Variants in CACNA2D1 observed in about 807,000 individuals in gnomAD.
CACNA2D1 encodes the protein calcium voltage-gated channel auxiliary subunit alpha2delta 1, also known as voltage-dependent calcium channel subunit alpha-2/delta-1.
CACNA2D1 carries 53 observed loss-of-function variants against 171.5 expected under a neutral mutation model. The ratio of observed to expected loss-of-function variants is 0.31; its 90% confidence interval spans 0.25 to 0.39. The LOEUF (loss-of-function observed/expected upper bound fraction) is 0.39, where lower values mean the gene tolerates loss of function less well. CACNA2D1 is among the 10% of genes least tolerant of loss of function. The pLI, the probability that CACNA2D1 is intolerant of heterozygous loss-of-function variation, is 1.00. For synonymous variants in CACNA2D1, 442 were observed against 443.1 expected (o/e 1.00, Z 0.03); for missense variants, 903 against 1,299.8 (o/e 0.69, Z 4.69).
chr7:82,308,130 G>A (rs534459449), intron 3 of CACNA2D1, among the ~76,000 whole-genome samples: 17 of 152,146 alleles, frequency 1.1e-4, no homozygotes, highest in Non-Finnish European at 1.3e-4. Context: ...GGCCTTTTGC[G>A]AAGCTTGAGA....
intron 3 of CACNA2D1, among the ~76,000 whole-genome samples, chr7:82,261,068 C>T (rs1807023115): frequency 6.6e-6 from 1 of 151,976 alleles, no homozygotes; most frequent in Admixed American, 6.6e-5. Context: ...GATTCTCATG[C>T]CTCAGCCTCC....
rs543642021 is a variant in CACNA2D1 at position 82,372,715 on chromosome 7, A to C, written c.96-23066T>G. Among the ~76,000 whole-genome samples the C allele has an allele frequency of 1.6e-4, 24 of 152,232 alleles. No individual in the cohort carries two copies. The East Asian group carries it at 4.6e-3, about 29-fold the overall frequency. ...AAAAATCTTGATAATTGCTTATAAA[A>C]TCTTCAATTTTCAAAATACATGATA... On this transcript the variant is annotated intron_variant, in intron 1 of 38. Coordinates refer to ENST00000356860, the MANE Select transcript of CACNA2D1 (RefSeq NM_000722.4).
intron 1 of CACNA2D1, among the ~76,000 whole-genome samples, chr7:82,428,071 G>C (rs998154528): frequency 1.3e-5 from 2 of 150,786 alleles, no homozygotes; most frequent in African/African-American, 4.9e-5. Context: ...ATGGACAACA[G>C]AGCAAGATCT....
intron 3 of CACNA2D1, among the ~76,000 whole-genome samples, chr7:82,247,495 C>A (rs1805071235): frequency 6.6e-6 from 1 of 151,406 alleles, no homozygotes; most frequent in South Asian, 2.1e-4. Flanking sequence ...AAGAGCCAGA[C>A]CCTGTCTCAA....
intron 3 of CACNA2D1, among the ~76,000 whole-genome samples, chr7:82,284,188 C>CAA (rs200601228): frequency 1.0e-4 from 9 of 88,482 alleles, no homozygotes; most frequent in African/African-American, 3.8e-4. Context: ...GAGCCTTCTC[C>CAA]AAAAAAAAAA....
chr7:81,994,579 C>A (rs1179415996), intron 20 of CACNA2D1, among the ~76,000 whole-genome samples: 1 of 151,854 alleles, frequency 6.6e-6, no homozygotes, highest in East Asian at 1.9e-4. Context: ...TTCTATTTCT[C>A]ATAAAATATG....
In CACNA2D1 at chr7:82,105,752, G is replaced by A. The variant is rs575916304; in HGVS notation, c.526+11292C>T. Among the ~76,000 whole-genome samples, 26 of 152,220 alleles carry A rather than the reference G, an allele frequency of 1.7e-4. No homozygotes were observed. In the South Asian group the frequency reaches 5.4e-3, roughly 32 times the overall value. On this transcript the variant is annotated intron_variant, in intron 6 of 38. Coordinates refer to ENST00000356860, the MANE Select transcript of CACNA2D1 (RefSeq NM_000722.4). Reference sequence around the variant, plus strand: ...AACTGATCTTCACAGACTTGGAAGTGTAGTAATGGCACACTTCTTCAATCA... The same window carrying A: ...AACTGATCTTCACAGACTTGGAAGTATAGTAATGGCACACTTCTTCAATCA...
intron 3 of CACNA2D1, among the ~76,000 whole-genome samples, chr7:82,216,269 A>G (rs1801087829): frequency 6.6e-6 from 1 of 152,202 alleles, no homozygotes. Flanking sequence ...TGGAGAGCTC[A>G]TAAGAAACTA....
At chr7:82,054,064 A>AT (rs534041753) in intron 10 of CACNA2D1, among the ~76,000 whole-genome samples, 120 of 152,072 alleles carry the variant, frequency 7.9e-4, no homozygotes, top group African/African-American at 2.7e-3. Context: ...TTAACAACAT[A>AT]TTTTTTTTAG....
chr7:82,427,439 T>C (rs940364158), intron 1 of CACNA2D1, among the ~76,000 whole-genome samples: 8 of 152,206 alleles, frequency 5.3e-5, no homozygotes, highest in African/African-American at 1.9e-4. Flanking sequence ...TGTTGGATAG[T>C]GCTAAAGCCA....
intron 7 of CACNA2D1, among the ~76,000 whole-genome samples, chr7:82,067,812 A>C (rs1205100590): frequency 6.6e-6 from 1 of 152,136 alleles, no homozygotes; most frequent in Non-Finnish European, 1.5e-5. Context: ...CCTCTATGAT[A>C]TCTGACTCTC....
chr7:82,301,039 C>A (rs1585399745), intron 3 of CACNA2D1, among the ~76,000 whole-genome samples: 1 of 152,122 alleles, frequency 6.6e-6, no homozygotes, highest in Non-Finnish European at 1.5e-5. Context: ...TAACATATTA[C>A]AGTTTCATTG....
At chr7:82,139,323 A>AT (rs1246050566) in intron 4 of CACNA2D1, among the ~76,000 whole-genome samples, 1 of 152,184 alleles carries the variant, frequency 6.6e-6, no homozygotes. Context: ...TACAAGTATG[A>AT]TTTTTTAAGT....
chr7:82,316,575 G>T (rs2129435819), intron 3 of CACNA2D1, among the ~76,000 whole-genome samples: 1 of 152,176 alleles, frequency 6.6e-6, no homozygotes, highest in Admixed American at 6.5e-5. Context: ...TGAAAGAAAA[G>T]AAAACTAAAG....
At chr7:81,957,680 T>C (rs1186708704) in intron 38 of CACNA2D1, among the ~76,000 whole-genome samples, 3 of 152,090 alleles carry the variant, frequency 2.0e-5, no homozygotes, top group African/African-American at 7.2e-5. Flanking sequence ...CAGTGACCAT[T>C]GCAAATAAGC....
chr7:81,991,311 A>G, intron 20 of CACNA2D1, 65 bp from the exon 21 acceptor site: 1 of 836,872 alleles, frequency 1.2e-6, no homozygotes. Flanking sequence ...CGAAAAGTAA[A>G]GCCGTAGAAT....
chr7:81,950,175 A>G lies in CACNA2D1; in HGVS notation c.*217T>C. The G allele has an allele frequency of 4.0e-6, 3 of 748,790 alleles. No individual in the cohort carries two copies. Among genetic ancestry groups the G allele is most frequent in the East Asian group, 2.7e-5 (1 of 36,484 alleles). 46.4% of individuals were successfully genotyped at this position (748,790 alleles called of 1,614,324 possible). On this transcript the variant is annotated 3_prime_UTR_variant, in exon 39 of 39. Coordinates refer to ENST00000356860, the MANE Select transcript of CACNA2D1 (RefSeq NM_000722.4). The stretch of plus-strand genomic sequence containing the variant: ...ATAGGATTTTGCTTTGATGTTACAC[A>G]TAGATGATGCAGCATTCACACACGT...
chr7:82,319,971 A>C (rs1815611667), intron 3 of CACNA2D1, among the ~76,000 whole-genome samples: 1 of 152,146 alleles, frequency 6.6e-6, no homozygotes, highest in Non-Finnish European at 1.5e-5. Flanking sequence ...ACTCATCCAC[A>C]CTGCGGCCTG....
chr7:82,134,411 G>T (rs1013109140), intron 5 of CACNA2D1, among the ~76,000 whole-genome samples: 1 of 152,080 alleles, frequency 6.6e-6, no homozygotes, highest in Non-Finnish European at 1.5e-5. Context: ...TAATTTTAGG[G>T]CTGGATTAGG....
Sources: allele counts gnomAD v4.1 joint callset (sites outside exome capture counted in the v4.1 genomes callset), GRCh38; gene constraint gnomAD v4.1.1; transcripts MANE v1.5; gene names NCBI Gene and HGNC (gene_info 2026-07-23, HGNC 2026-07-21).